Variants in GALNT17 observed in about 807,000 individuals in gnomAD.
GALNT17 encodes UDP-GalNAc:polypeptide N-acetylgalactosaminyltransferase-like 3.
Under a neutral mutation model 63.7 loss-of-function variants are expected in GALNT17, and 29 were observed. The observed-to-expected ratio is 0.46, with a 90% CI of 0.34 to 0.62. GALNT17 has a LOEUF of 0.62. Among genes scored for constraint, GALNT17 ranks in the 20% least tolerant of loss-of-function variants. The pLI, the probability that GALNT17 is intolerant of heterozygous loss-of-function variation, is 0.01. For missense variants in GALNT17, 603 were observed against 799.6 expected (o/e 0.75, Z 2.97); for synonymous variants, 305 against 318.3 (o/e 0.96, Z 0.45).
intron 6 of GALNT17, among the ~76,000 whole-genome samples, chr7:71,630,282 A>G (rs1021948044): frequency 1.2e-4 from 18 of 152,244 alleles, no homozygotes; most frequent in African/African-American, 4.1e-4. Context: ...TACAAGGACC[A>G]TTAAGGCTCA....
At chr7:71,226,667 A>G (rs1250788044) in intron 1 of GALNT17, among the ~76,000 whole-genome samples, 2 of 151,952 alleles carry the variant, frequency 1.3e-5, no homozygotes, top group African/African-American at 4.8e-5. Flanking sequence ...TTTAGTACAG[A>G]TACGGTTTCG....
At chr7:71,552,464 G>A (rs547504084) in intron 5 of GALNT17, among the ~76,000 whole-genome samples, 3 of 143,278 alleles carry the variant, frequency 2.1e-5, no homozygotes, top group African/African-American at 7.7e-5. Flanking sequence ...TTTTTGAGAT[G>A]GAGTCTCACT....
intron 2 of GALNT17, among the ~76,000 whole-genome samples, chr7:71,341,810 G>A (rs577404745): frequency 7.7e-4 from 117 of 152,292 alleles, no homozygotes; most frequent in Non-Finnish European, 1.6e-3. Context: ...GCAAAACAAA[G>A]GAGTCAAGTG....
intron 1 of GALNT17, among the ~76,000 whole-genome samples, chr7:71,285,143 A>G (rs1485699938): frequency 2.6e-5 from 4 of 152,202 alleles, no homozygotes; most frequent in Non-Finnish European, 5.9e-5. Flanking sequence ...AAAATTCACA[A>G]AAATAATGTA....
In GALNT17 at chr7:71,501,632, A is replaced by G. The variant is rs1788182082; in HGVS notation, c.963-69653A>G. ...ACCCTAGATGGGTCTTCTCTGGCCA[A>G]AACCCATGTCCTGAGTGTTGATAGG... On this transcript the variant is annotated intron_variant, in intron 5 of 10. Transcript: ENST00000333538. Among the ~76,000 whole-genome samples the G allele has an allele frequency of 2.6e-5, 4 of 152,236 alleles. No individual in the cohort carries two copies. In the South Asian group the frequency reaches 8.3e-4, roughly 32 times the overall value.
intron 5 of GALNT17, among the ~76,000 whole-genome samples, chr7:71,507,972 C>G (rs1299459542): frequency 6.6e-6 from 1 of 152,156 alleles, no homozygotes; most frequent in African/African-American, 2.4e-5. Context: ...TTAGACAAGT[C>G]AATGAAGATA....
intron 1 of GALNT17, among the ~76,000 whole-genome samples, chr7:71,218,824 C>T (rs983246875): frequency 2.0e-5 from 3 of 151,964 alleles, no homozygotes; most frequent in Non-Finnish European, 4.4e-5. Flanking sequence ...GTCACCGTCT[C>T]CCATCACCCC....
intron 5 of GALNT17, among the ~76,000 whole-genome samples, chr7:71,547,307 G>C (rs890217498): frequency 6.6e-6 from 1 of 152,062 alleles, no homozygotes; most frequent in Non-Finnish European, 1.5e-5. Flanking sequence ...TGGGATTACA[G>C]GCCCCTGTCA....
chr7:71,480,727 G>C (rs1787803771), intron 5 of GALNT17, among the ~76,000 whole-genome samples: 1 of 152,068 alleles, frequency 6.6e-6, no homozygotes, highest in Non-Finnish European at 1.5e-5. Flanking sequence ...GGCTGGTCTC[G>C]AACTCCTGGC....
In GALNT17 at chr7:71,679,870, C is replaced by A. The variant is rs72506799; in HGVS notation, c.1500+2564C>A. Reference sequence around the variant, plus strand: ...AGAGTTTGCTTTTGTTTTCTCCTTCCTTCCTTTTTTTCTTTTTCCCTCCCT... The same window carrying A: ...AGAGTTTGCTTTTGTTTTCTCCTTCATTCCTTTTTTTCTTTTTCCCTCCCT... On this transcript the variant is annotated intron_variant, in intron 9 of 10. Coordinates refer to ENST00000333538, the MANE Select transcript of GALNT17 (RefSeq NM_022479.3). Among the ~76,000 whole-genome samples the A allele has an allele frequency of 1.3e-4, 20 of 151,552 alleles. No homozygotes were observed. In the East Asian group the frequency reaches 3.3e-3, roughly 25 times the overall value.
intron 7 of GALNT17, among the ~76,000 whole-genome samples, chr7:71,666,566 C>A (rs1335469487): frequency 6.6e-6 from 1 of 151,870 alleles, no homozygotes; most frequent in Non-Finnish European, 1.5e-5. Flanking sequence ...TCCCACTCTT[C>A]CCCTGAAGTC....
chr7:71,149,061 C>T (rs1585839281), intron 1 of GALNT17, among the ~76,000 whole-genome samples: 1 of 151,756 alleles, frequency 6.6e-6, no homozygotes, highest in Middle Eastern at 3.4e-3. Context: ...ACTCCAGGTA[C>T]GTGCCAACAT....
intron 5 of GALNT17, among the ~76,000 whole-genome samples, chr7:71,530,922 A>G (rs1425102224): frequency 1.3e-5 from 2 of 152,174 alleles, no homozygotes; most frequent in African/African-American, 4.8e-5. Flanking sequence ...ACAATGATCT[A>G]GGTCAGCATT....
At chr7:71,142,438 T>C (rs1163651150) in intron 1 of GALNT17, among the ~76,000 whole-genome samples, 1 of 152,214 alleles carries the variant, frequency 6.6e-6, no homozygotes, top group Non-Finnish European at 1.5e-5. Context: ...TGGCTTTTAA[T>C]GCCTAGGAGA....
chr7:71,150,977 CAAAAA>C (rs34934868), intron 1 of GALNT17, among the ~76,000 whole-genome samples: 47 of 103,034 alleles, frequency 4.6e-4, no homozygotes, highest in Middle Eastern at 5.7e-3. Flanking sequence ...ACCCTGACTT[CAAAAA>C]AAAAAAAAAA....
At chr7:71,251,573 C>G (rs1790198334) in intron 1 of GALNT17, among the ~76,000 whole-genome samples, 1 of 151,976 alleles carries the variant, frequency 6.6e-6, no homozygotes, top group Non-Finnish European at 1.5e-5. Flanking sequence ...CTGCACCTAG[C>G]TAATTTAAAA....
At chr7:71,424,503 A>G (rs1048846160) in intron 5 of GALNT17, among the ~76,000 whole-genome samples, 5 of 152,238 alleles carry the variant, frequency 3.3e-5, no homozygotes, top group African/African-American at 1.2e-4. Context: ...GTATTTCATA[A>G]GTTACGGTAA....
intron 4 of GALNT17, among the ~76,000 whole-genome samples, chr7:71,416,683 A>G (rs1024983963): frequency 2.0e-5 from 3 of 152,156 alleles, no homozygotes; most frequent in African/African-American, 7.2e-5. Context: ...AAATGGTACA[A>G]GACAGTCATA....
In GALNT17 at chr7:71,193,344, C is replaced by T. The variant is rs143355249; in HGVS notation, c.238+60304C>T. Among the ~76,000 whole-genome samples, 887 of 152,168 alleles carry T rather than the reference C, an allele frequency of 5.8e-3. 6 individuals are homozygous for T. Among genetic ancestry groups the T allele is most frequent in the Non-Finnish European group, 8.9e-3 (605 of 68,004 alleles). The stretch of plus-strand genomic sequence containing the variant: ...CAGGCTCCTGGCCTCAAGCCATCTT[C>T]CTGCCTTGGCCTCCCAAAGTGCTGG... On this transcript the variant is annotated intron_variant, in intron 1 of 10. Coordinates refer to ENST00000333538, the MANE Select transcript of GALNT17 (RefSeq NM_022479.3).
Sources: gnomAD v4.1 joint callset for allele counts (sites outside exome capture counted in the v4.1 genomes callset) on GRCh38, gnomAD v4.1.1 for gene constraint, MANE v1.5 for transcripts, NCBI Gene and HGNC (gene_info 2026-07-23, HGNC 2026-07-21) for gene names.